Variants in KAZN observed in about 807,000 individuals in gnomAD.
KAZN encodes the protein kazrin, periplakin interacting protein.
A neutral mutation model predicts 87.4 loss-of-function variants in KAZN; 40 were observed. The observed-to-expected ratio is 0.46, with a 90% confidence interval of 0.36 to 0.60. The LOEUF is 0.60. KAZN is among the 20% of genes least tolerant of loss of function. The probability of loss-of-function intolerance (pLI) is 0.00; values close to 1 mark genes in which losing one functional copy is unlikely to be tolerated. For missense variants in KAZN, 898 were observed against 1,073.9 expected, an observed-to-expected ratio of 0.84 and a Z score of 2.29; for synonymous variants, 466 against 458.3, an observed-to-expected ratio of 1.02 and a Z score of -0.22.
chr1:14,213,832 G>A (rs753996167), intron 2 of KAZN, among the ~76,000 whole-genome samples: 8 of 152,202 alleles, frequency 5.3e-5, no homozygotes, highest in Non-Finnish European at 1.0e-4. Flanking sequence ...ACAGCTGGTA[G>A]TGGCTCAGAT....
At chr1:14,516,784 T>C (rs1671321332) in intron 2 of KAZN, among the ~76,000 whole-genome samples, 1 of 152,188 alleles carries the variant, frequency 6.6e-6, no homozygotes, top group Non-Finnish European at 1.5e-5. Context: ...CCTTTTCCCA[T>C]CCACAGCTCC....
At chr1:14,099,272 A>C (rs1004989033) in intron 1 of KAZN, among the ~76,000 whole-genome samples, 9 of 152,118 alleles carry the variant, frequency 5.9e-5, no homozygotes, top group African/African-American at 1.9e-4. Flanking sequence ...AATCAAACTA[A>C]AGGAAATCAG....
At chr1:14,547,453 A>G (rs1673226044) in intron 2 of KAZN, among the ~76,000 whole-genome samples, 1 of 152,184 alleles carries the variant, frequency 6.6e-6, no homozygotes, top group African/African-American at 2.4e-5. Context: ...CACCTATTCA[A>G]TGGAGGGGTT....
intron 2 of KAZN, among the ~76,000 whole-genome samples, chr1:14,360,004 T>C (rs1659371926): frequency 6.6e-6 from 1 of 152,188 alleles, no homozygotes; most frequent in Admixed American, 6.5e-5. Flanking sequence ...TTGGGGAAGT[T>C]CTCCTGGATA....
rs894385220 is a variant in KAZN, at chr1:14,383,949, A to G, written c.249+203357A>G. Reference sequence around the variant, plus strand: ...ATATTGATTCTTCCTACCCATGAGCATGGAATGTTCTTCCATTTGTTTGTA... The same window carrying G: ...ATATTGATTCTTCCTACCCATGAGCGTGGAATGTTCTTCCATTTGTTTGTA... On this transcript the variant is annotated intron_variant, in intron 2 of 16. Transcript: ENST00000636203. Among the ~76,000 whole-genome samples the G allele has an allele frequency of 1.2e-3, 189 of 152,212 alleles. 1 individual carries two copies. Among genetic ancestry groups the G allele is most frequent in the African/African-American group, 4.1e-3 (169 of 41,476 alleles).
intron 2 of KAZN, among the ~76,000 whole-genome samples, chr1:14,985,325 T>A (rs1666693978): frequency 7.6e-6 from 1 of 130,890 alleles, no homozygotes; most frequent in African/African-American, 3.4e-5. Flanking sequence ...AGCTGAGGAG[T>A]TTGAGACCAG....
At chr1:14,705,972 A>G (rs958930730) in intron 1 of KAZN, among the ~76,000 whole-genome samples, 2 of 152,120 alleles carry the variant, frequency 1.3e-5, no homozygotes, top group African/African-American at 4.8e-5. Context: ...ATGAAACTTC[A>G]TCTGTATTTA....
At chr1:14,686,212 C>T (rs1422158716) in intron 1 of KAZN, among the ~76,000 whole-genome samples, 6 of 152,126 alleles carry the variant, frequency 3.9e-5, no homozygotes, top group Admixed American at 2.0e-4. Flanking sequence ...GGACTACAGA[C>T]GTGTACCACA....
chr1:14,085,300 A>G (rs1281644597), intron 1 of KAZN, among the ~76,000 whole-genome samples: 1 of 152,196 alleles, frequency 6.6e-6, no homozygotes, highest in African/African-American at 2.4e-5. Context: ...AGATAAATTA[A>G]TCAATTTCAG....
upstream of KAZN, chr1:14,598,626 C>T: frequency 9.0e-7 from 1 of 1,107,380 alleles, no homozygotes; most frequent in East Asian, 5.5e-5. The surrounding 1 kb of genome is among the most constrained non-coding windows in gnomAD (Gnocchi z 4.2). Context: ...GAGACCCCCT[C>T]CCGAGCCGGC....
intron 1 of KAZN, among the ~76,000 whole-genome samples, chr1:14,158,140 C>T (rs983590457): frequency 5.3e-5 from 8 of 152,178 alleles, no homozygotes; most frequent in Non-Finnish European, 1.0e-4. Flanking sequence ...ATATTGATAT[C>T]TTTCCGTAGG....
At chr1:14,229,016 A>G (rs919594762) in intron 2 of KAZN, among the ~76,000 whole-genome samples, 9 of 152,258 alleles carry the variant, frequency 5.9e-5, no homozygotes, top group African/African-American at 2.2e-4. Flanking sequence ...CTGTGATTCA[A>G]CTGAAGCAAG....
chr1:14,829,013 A>C (rs1646978569), intron 1 of KAZN, among the ~76,000 whole-genome samples: 1 of 152,236 alleles, frequency 6.6e-6, no homozygotes, highest in Admixed American at 6.5e-5. Flanking sequence ...AGAGAGGCTG[A>C]GAAAGCGAGG....
chr1:14,026,968 AG>A (rs139488700), intron 1 of KAZN, among the ~76,000 whole-genome samples: 1,760 of 152,230 alleles, frequency 0.012, 29 homozygotes, highest in African/African-American at 0.038. Context: ...GAAGAGAGTA[AG>A]GGAAGCCTGG....
At chr1:14,962,574 G>C (rs148485770) in intron 2 of KAZN, among the ~76,000 whole-genome samples, 1 of 152,146 alleles carries the variant, frequency 6.6e-6, no homozygotes, top group Non-Finnish European at 1.5e-5. Context: ...CCCAAGTCTC[G>C]GGAATCTCCC....
intron 2 of KAZN, among the ~76,000 whole-genome samples, chr1:14,318,227 C>T (rs569150979): frequency 3.3e-5 from 5 of 152,200 alleles, no homozygotes; most frequent in African/African-American, 1.2e-4. Context: ...CCTCTCACAT[C>T]TCTTGTAACA....
intron 2 of KAZN, among the ~76,000 whole-genome samples, chr1:14,515,174 C>T (rs997580407): frequency 6.6e-6 from 1 of 152,126 alleles, no homozygotes; most frequent in Non-Finnish European, 1.5e-5. Flanking sequence ...GGAAAATGAA[C>T]ATTTAATGAC....
intron 2 of KAZN, among the ~76,000 whole-genome samples, chr1:14,413,205 G>A (rs1029755501): frequency 1.3e-5 from 2 of 151,318 alleles, no homozygotes; most frequent in South Asian, 4.2e-4. Flanking sequence ...GAAAAAGATG[G>A]ACTGACAATA....
In KAZN at chr1:14,003,332, TAAAAAA is replaced by T. The variant is rs572382814; in HGVS notation, c.91+109586_91+109591del. On this transcript the variant is annotated intron_variant, in intron 1 of 16. Coordinates refer to the KAZN transcript ENST00000636203. ...TGTATCCTGGAACTTAAAGTAAAAT[TAAAAAA>T]AAAAAAAAAGAAAATTACAAGTTGA... 1.6e-4 allele frequency among the ~76,000 whole-genome samples: 21 copies of T among 128,840 alleles called. No homozygotes were observed. In the East Asian group the frequency reaches 4.6e-3, roughly 28 times the overall value. 84.5% of individuals were successfully genotyped at this position (128,840 alleles called of 152,430 possible).
Sources: allele counts gnomAD v4.1 joint callset (sites outside exome capture counted in the v4.1 genomes callset), GRCh38; gene constraint gnomAD v4.1.1; non-coding constraint Gnocchi (gnomAD v3.1); transcripts MANE v1.5; gene names NCBI Gene and HGNC (gene_info 2026-07-23, HGNC 2026-07-21).